PCNX2: variants seen among roughly 807,000 people sequenced by gnomAD.
PCNX2 encodes pecanex 2, also known as pecanex-like protein 2.
PCNX2 carries 168 observed loss-of-function variants against 223.8 expected under a neutral mutation model. The ratio of observed to expected loss-of-function variants is 0.75; its 90% CI spans 0.66 to 0.85. The LOEUF (loss-of-function observed/expected upper bound fraction) is 0.85. PCNX2 is among the 40% of genes least tolerant of loss of function. PCNX2 has a pLI of 0.00. For synonymous variants in PCNX2, 1,006 were observed against 1,052.6 expected, an observed-to-expected ratio of 0.96 and a Z score of 0.86; for missense variants, 2,507 against 2,675.5, an observed-to-expected ratio of 0.94 and a Z score of 1.39.
chr1:233,230,506 A>G (rs997974877), intron 9 of PCNX2, among the ~76,000 whole-genome samples: 3 of 152,190 alleles, frequency 2.0e-5, no homozygotes, highest in African/African-American at 7.2e-5. Flanking sequence ...ACTGATGTCA[A>G]AGTGCCTGGC....
At chr1:233,168,267 T>C (rs1306620113) in intron 17 of PCNX2, among the ~76,000 whole-genome samples, 1 of 152,124 alleles carries the variant, frequency 6.6e-6, no homozygotes, top group East Asian at 1.9e-4. Flanking sequence ...TCATTCACAA[T>C]CATTATAGCC....
At chr1:233,069,823 A>C (rs371334661) in intron 23 of PCNX2, among the ~76,000 whole-genome samples, 3 of 152,148 alleles carry the variant, frequency 2.0e-5, no homozygotes, top group African/African-American at 4.8e-5. Context: ...CCACCCAAAA[A>C]ATCTAGAAAA....
chr1:233,258,046 C>G lies in PCNX2; in HGVS notation c.1816G>C (p.Glu606Gln). 6.2e-7 allele frequency: 1 copy of G among 1,612,150 alleles called. No individual in the cohort carries two copies. The highest frequency in any genetic ancestry group is 8.5e-7 in the Non-Finnish European group (1 of 1,178,338). The stretch of plus-strand genomic sequence containing the variant: ...ATCGCACCTCGGAGAAGCCCACTTT[C>G]TTCATTCTGCTCAGCTGAGCCATTC... Reference protein sequence around the residue: ...QLNGSAEQNEESGLLRDNCSQ... With the variant: ...QLNGSAEQNEQSGLLRDNCSQ... The change falls in exon 5 of 34, where the codon GAA (glutamate) becomes CAA (glutamine). Residue 606 changes from glutamate to glutamine, a missense_variant. Transcript: ENST00000258229.
intron 28 of PCNX2, among the ~76,000 whole-genome samples, chr1:233,004,151 A>C (rs939077828): frequency 3.9e-5 from 6 of 152,150 alleles, no homozygotes; most frequent in Non-Finnish European, 1.5e-5. Context: ...AAAAAAAAAA[A>C]GAATTCAATT....
At chr1:233,032,290 CAG>C (rs990455808) in intron 25 of PCNX2, among the ~76,000 whole-genome samples, 8 of 152,010 alleles carry the variant, frequency 5.3e-5, no homozygotes, top group Non-Finnish European at 7.4e-5. Flanking sequence ...TTAGTAGAGA[CAG>C]GGGTTTCTCC....
intron 8 of PCNX2, among the ~76,000 whole-genome samples, chr1:233,237,642 C>T (rs1658499596): frequency 6.6e-6 from 1 of 152,138 alleles, no homozygotes; most frequent in Non-Finnish European, 1.5e-5. Context: ...CTAGGACATA[C>T]TTCTCTATCT....
chr1:233,011,505 G>C (rs1670469049), intron 28 of PCNX2, among the ~76,000 whole-genome samples: 1 of 152,186 alleles, frequency 6.6e-6, no homozygotes, highest in Non-Finnish European at 1.5e-5. Flanking sequence ...CTGGAGAAAA[G>C]AATGCTGCAC....
the PCNX2 span, among the ~76,000 whole-genome samples, chr1:233,319,498 C>T: frequency 6.6e-6 from 1 of 152,180 alleles, no homozygotes; most frequent in Non-Finnish European, 1.5e-5. Context: ...TAAGTGGAAG[C>T]CCAAGAGAGA....
intron 23 of PCNX2, 155 bp from the exon 24 acceptor site, chr1:233,057,445 A>G: frequency 1.6e-6 from 1 of 634,898 alleles, no homozygotes; most frequent in Non-Finnish European, 2.8e-6. Flanking sequence ...GCAGGAAGAG[A>G]GGAGTCTCAT....
At chr1:233,095,896 G>T (rs370465460) in intron 21 of PCNX2, 33 bp from the exon 22 acceptor site, 5 of 1,481,068 alleles carry the variant, frequency 3.4e-6, no homozygotes, top group Non-Finnish European at 4.6e-6. Flanking sequence ...TCATCAGAGA[G>T]GACAATGACA....
In PCNX2 at chr1:233,104,022, C is replaced by T. The variant is rs141823263; in HGVS notation, c.3838-8159G>A. 2.0e-5 allele frequency among the ~76,000 whole-genome samples: 3 copies of T among 152,044 alleles called. No individual in the cohort carries two copies. In the East Asian group the frequency reaches 5.8e-4, roughly 29 times the overall value. The stretch of plus-strand genomic sequence containing the variant: ...GGGGACCACATATTGCAAATCATTG[C>T]ACTAAAGGGCTAGAAACACAGTATT... On this transcript the variant is annotated intron_variant, in intron 21 of 33. Transcript: ENST00000258229.
chr1:233,292,343 G>A (rs1305418893), intron 1 of PCNX2, among the ~76,000 whole-genome samples: 1 of 151,646 alleles, frequency 6.6e-6, no homozygotes, highest in Admixed American at 6.6e-5. Context: ...GAGTCACTGG[G>A]ATTGCAGGCA....
rs186207608 is a variant in PCNX2, at chr1:233,203,008, C to T, written c.2864-2744G>A. Among the ~76,000 whole-genome samples the T allele has an allele frequency of 1.1e-3, 167 of 152,302 alleles. 1 individual carries two copies. Among genetic ancestry groups the T allele is most frequent in the Admixed American group, 8.6e-3 (132 of 15,304 alleles). On this transcript the variant is annotated intron_variant, in intron 13 of 33. Coordinates refer to ENST00000258229, the MANE Select transcript of PCNX2 (RefSeq NM_014801.4). ...GGCTTCTTTGTACTGAGCTGTAACCCATCTTCTATCTGCTGGAACTAGTTA... is the reference window on the plus strand; with the variant it reads ...GGCTTCTTTGTACTGAGCTGTAACCTATCTTCTATCTGCTGGAACTAGTTA...
intron 21 of PCNX2, among the ~76,000 whole-genome samples, chr1:233,127,397 A>C (rs1241479374): frequency 1.3e-5 from 2 of 150,424 alleles, no homozygotes; most frequent in Admixed American, 1.3e-4. Flanking sequence ...TGCGTAACTC[A>C]CTCCTCCCTG....
chr1:233,317,716 AT>A, the PCNX2 span, among the ~76,000 whole-genome samples: 3 of 152,174 alleles, frequency 2.0e-5, no homozygotes, highest in African/African-American at 7.2e-5. Flanking sequence ...TTCTGTTTCA[AT>A]AAGTCCTTCA....
chr1:233,211,027 C>T (rs1333097816), intron 12 of PCNX2, among the ~76,000 whole-genome samples: 4 of 152,172 alleles, frequency 2.6e-5, no homozygotes, highest in Admixed American at 6.5e-5. Flanking sequence ...GGCTAAGTGA[C>T]GAGGCCATCC....
Position 233,225,110 on chromosome 1 carries a change from T to TAAA in PCNX2, c.2504+2113_2504+2115dup, listed in dbSNP as rs71173259. ...CTGCACATGTATCCCAGAACTAAAG[T>TAAA]AAAAAAAAAAAAAAAAAAAAAAAAA... On this transcript the variant is annotated intron_variant, in intron 10 of 33. Coordinates refer to ENST00000258229, the MANE Select transcript of PCNX2 (RefSeq NM_014801.4). 3.3e-4 allele frequency among the ~76,000 whole-genome samples: 14 copies of TAAA among 42,224 alleles called. No individual in the cohort carries two copies. In the East Asian group the frequency reaches 5.1e-3, roughly 15 times the overall value. The allele number at this position is 42,224 out of a possible 152,430, so 27.7% of individuals were successfully genotyped here. A position where few individuals can be genotyped will look rare whatever the true frequency, so the allele number is the denominator to read the frequency against.
the PCNX2 span, among the ~76,000 whole-genome samples, chr1:233,325,074 C>G: frequency 6.6e-6 from 1 of 152,174 alleles, no homozygotes; most frequent in East Asian, 1.9e-4. Context: ...CCATGGATTA[C>G]AAAGTCACTT....
Position 233,084,245 on chromosome 1 carries a change from C to T in PCNX2, c.4076+5816G>A, listed in dbSNP as rs570635316. ...AAGCCTGTGCTTTCTGATGTTCTAC[C>T]GCTGCCTCAGTAAGAGATGAGGATT... On this transcript the variant is annotated intron_variant, in intron 23 of 33. Coordinates refer to ENST00000258229, the MANE Select transcript of PCNX2 (RefSeq NM_014801.4). Among the ~76,000 whole-genome samples, 6 of 152,208 alleles carry T rather than the reference C, an allele frequency of 3.9e-5. No homozygotes were observed. In the South Asian group the frequency reaches 6.2e-4, roughly 16 times the overall value.
Sources: allele counts gnomAD v4.1 joint callset (sites outside exome capture counted in the v4.1 genomes callset), GRCh38; gene constraint gnomAD v4.1.1; transcripts MANE v1.5; gene names NCBI Gene and HGNC (gene_info 2026-07-23, HGNC 2026-07-21).